Variants in TARBP1 observed in about 807,000 individuals in gnomAD.
TARBP1 encodes tRNA (guanosine(18)-2'-O)-methyltransferase TARBP1.
In TARBP1, 144 loss-of-function variants were observed where a neutral mutation model predicts 178.6. The observed-to-expected ratio is 0.81, with a 90% confidence interval of 0.70 to 0.93. The LOEUF is 0.93. Ranked by LOEUF, TARBP1 falls within the 40% of genes least tolerant of loss-of-function variation. TARBP1 has a pLI of 0.00. For missense variants in TARBP1, 2,067 were observed against 2,011.7 expected (o/e 1.03, Z -0.53); for synonymous variants, 787 against 781.0 (o/e 1.01, Z -0.13).
chr1:234,457,288 G>C (rs752167450), intron 9 of TARBP1, among the ~76,000 whole-genome samples: 2 of 152,142 alleles, frequency 1.3e-5, no homozygotes, highest in Non-Finnish European at 2.9e-5. Context: ...CATAAGGACT[G>C]GACAACTGGG....
intron 12 of TARBP1, among the ~76,000 whole-genome samples, chr1:234,441,362 C>G (rs1376093506): frequency 6.6e-6 from 1 of 152,034 alleles, no homozygotes. Context: ...GGTAAAGGAA[C>G]TAGAATAGCT....
chr1:234,432,093 C>T (rs1664489286), intron 14 of TARBP1, among the ~76,000 whole-genome samples: 1 of 134,144 alleles, frequency 7.5e-6, no homozygotes. Context: ...GCCAACTGCA[C>T]AACTGCATTC....
chr1:234,418,376 C>T, intron 21 of TARBP1, 143 bp from the exon 22 acceptor site: 3 of 645,926 alleles, frequency 4.6e-6, no homozygotes, highest in Non-Finnish European at 7.3e-6. Flanking sequence ...ACTCTAAAAA[C>T]TACTGATTAA....
intron 19 of TARBP1, among the ~76,000 whole-genome samples, chr1:234,426,695 A>G (rs1455924611): frequency 6.6e-6 from 1 of 152,230 alleles, no homozygotes; most frequent in Non-Finnish European, 1.5e-5. Flanking sequence ...TGAAAAAATA[A>G]AACTTGAAAA....
intron 14 of TARBP1, among the ~76,000 whole-genome samples, chr1:234,432,644 A>G (rs1323880820): frequency 6.6e-6 from 1 of 152,138 alleles, no homozygotes; most frequent in Non-Finnish European, 1.5e-5. Flanking sequence ...TGTATGCTGG[A>G]GGAGAGGGCA....
At chr1:234,414,253 C>G (rs972232800) in intron 22 of TARBP1, among the ~76,000 whole-genome samples, 2 of 152,160 alleles carry the variant, frequency 1.3e-5, no homozygotes, top group Non-Finnish European at 1.5e-5. Context: ...ACTCTGCCAG[C>G]CCAAATTTGG....
rs1277579076 is a variant in TARBP1, at chr1:234,393,726, T to C, written c.4355A>G (p.Asp1452Gly). The change falls in exon 27 of 30, where the codon GAT (aspartate) becomes GGT (glycine). Residue 1452 changes from aspartate to glycine, a missense_variant. Asp to Gly is a moderately conservative substitution (Grantham distance 94). Coordinates refer to ENST00000040877, the MANE Select transcript of TARBP1 (RefSeq NM_005646.4). The stretch of plus-strand genomic sequence containing the variant: ...TGACTTTCCAAGTCTGGCAGCACGA[T>C]CCTGAAACAGGAGCTCCAGGTCTAA... ...SDLDLELLFQ[D>G]RAARLGKSIS... 4.3e-6 allele frequency: 7 copies of C among 1,613,860 alleles called. No homozygotes were observed. The highest frequency in any genetic ancestry group is 1.1e-5 in the South Asian group (1 of 91,086).
At chr1:234,456,961 G>A (rs270517) in intron 9 of TARBP1, among the ~76,000 whole-genome samples, 31,225 of 152,040 alleles carry the variant, frequency 0.21, 4,026 homozygotes, top group African/African-American at 0.37. Context: ...ACCCAGAGGG[G>A]ACAAAGATCA....
At chr1:234,450,702 CT>C in intron 9 of TARBP1, 136 bp from the exon 10 acceptor site, 1 of 988,422 alleles carries the variant, frequency 1.0e-6, no homozygotes, top group Non-Finnish European at 1.5e-6. Context: ...AAACCATTTA[CT>C]ATCATACTTG....
intron 3 of TARBP1, 96 bp from the exon 4 acceptor site, chr1:234,467,746 A>C (rs1668596455): frequency 8.3e-7 from 1 of 1,205,366 alleles, no homozygotes; most frequent in Non-Finnish European, 1.1e-6. Context: ...ACACACAATA[A>C]CTTCATTATA....
chr1:234,399,890 TG>T (rs1190725890), intron 25 of TARBP1, among the ~76,000 whole-genome samples: 18 of 24,462 alleles, frequency 7.4e-4, no homozygotes, highest in African/African-American at 2.2e-3. Flanking sequence ...TGTTGTGGGG[TG>T]GGGGGAGGGG....
At position 234,457,721 on chromosome 1, in the gene TARBP1, G is replaced by A. The variant is rs1197277635; in HGVS notation, c.1668C>T (p.Leu556=). 4 of 1,609,694 alleles carry A rather than the reference G, an allele frequency of 2.5e-6. No individual in the cohort carries two copies. The highest frequency in any genetic ancestry group is 3.4e-6 in the Non-Finnish European group (4 of 1,177,168). Residue 556 remains leucine (L), a synonymous_variant, in exon 9 of 30, where the codon CTC becomes CTT. Coordinates refer to ENST00000040877, the MANE Select transcript of TARBP1 (RefSeq NM_005646.4). ...AGGATTCCTCTTGTCTCAGAGACAT[G>A]AGAAAAGTTGAGACATCAGAAAGTG... The part of the protein sequence containing the change: ...KVSLSDVSTF[L]MSLRQEESLG...
rs138456953 is a variant in TARBP1, at chr1:234,429,536, C to T, written c.2751G>A (p.Pro917=). 1.5e-3 allele frequency: 2,391 copies of T among 1,614,094 alleles called. 4 individuals carry two copies. Among genetic ancestry groups the T allele is most frequent in the Non-Finnish European group, 1.9e-3 (2,268 of 1,180,010 alleles). The change falls in exon 16 of 30, where the codon CCG becomes CCA. Residue 917 remains proline (P), a synonymous_variant. Coordinates refer to ENST00000040877, the MANE Select transcript of TARBP1 (RefSeq NM_005646.4). ...IPTTGSEILE[P]FLPAVQMPIR... ...TTGGCATCTGAACGGCAGGTAGAAA[C>T]GGTTCCAGAATTTCACTCCCTGTGG... is the stretch of plus-strand genomic sequence containing the variant.
At position 234,393,659 on chromosome 1, in the gene TARBP1, C is replaced by T. The variant is rs770859684; in HGVS notation, c.4422G>A (p.Pro1474=). ...LIVVASLIDK[P]TNLGGLCRTC... ...CTCCAACTTTACCTCCTAAATTGGT[C>T]GGTTTGTCGATGAGCGAGGCCACAA... The change falls in exon 27 of 30, where the codon CCG becomes CCA. Residue 1474 remains proline, a synonymous_variant. Coordinates refer to ENST00000040877, the MANE Select transcript of TARBP1 (RefSeq NM_005646.4). 9.3e-6 allele frequency: 15 copies of T among 1,606,630 alleles called. No homozygotes were observed. Among genetic ancestry groups the T allele is most frequent in the Admixed American group, 5.0e-5 (3 of 59,408 alleles).
intron 29 of TARBP1, among the ~76,000 whole-genome samples, chr1:234,392,040 G>A (rs1659422675): frequency 6.6e-6 from 1 of 152,224 alleles, no homozygotes; most frequent in Non-Finnish European, 1.5e-5. Flanking sequence ...GTGCAGGTAT[G>A]AGCAGGAGTC....
chr1:234,398,523 C>G lies in TARBP1; in HGVS notation c.4102G>C (p.Gly1368Arg). Residue 1368 changes from glycine to arginine, a missense_variant, in exon 26 of 30, where the codon GGC (glycine) becomes CGC (arginine). Physicochemically the swap from Gly to Arg is moderately radical, Grantham distance 125. Transcript: ENST00000040877. ...GTGATCCATTCATCTTCAATAAGGC[C>G]TGAAAGGCGTGGAAGGATGTAAAAT... ...TIFYILPRLS[G>R]LIEDEWITID... 6.2e-7 allele frequency: 1 copy of G among 1,605,064 alleles called. No homozygotes were observed. Among genetic ancestry groups the G allele is most frequent in the South Asian group, 1.1e-5 (1 of 89,598 alleles).
intron 19 of TARBP1, among the ~76,000 whole-genome samples, 172 bp from the exon 20 acceptor site, chr1:234,425,965 A>T (rs1369144702): frequency 6.6e-6 from 1 of 152,256 alleles, no homozygotes; most frequent in Non-Finnish European, 1.5e-5. Flanking sequence ...AACAGAAGAT[A>T]ACAAATGAAT....
rs143609391 is a variant in TARBP1 at position 234,465,874 on chromosome 1, G to C, written c.1249-166C>G. Among the ~76,000 whole-genome samples the C allele has an allele frequency of 4.6e-3, 707 of 152,290 alleles. 2 individuals are homozygous for C. Among genetic ancestry groups the C allele is most frequent in the African/African-American group, 0.016 (679 of 41,568 alleles). On this transcript the variant is annotated intron_variant, in intron 4 of 29. Transcript: ENST00000040877. ...TAAATTTAGTGCTGGTCCTGGAGGGGAAGCTTAATTCTACCAGAAAAACAA... is the reference window on the plus strand; with the variant it reads ...TAAATTTAGTGCTGGTCCTGGAGGGCAAGCTTAATTCTACCAGAAAAACAA...
chr1:234,395,550 C>A (rs1019593967), intron 26 of TARBP1, among the ~76,000 whole-genome samples: 3 of 152,302 alleles, frequency 2.0e-5, no homozygotes, highest in Middle Eastern at 6.8e-3. Context: ...ATAGGGCATA[C>A]AGAGCAGGCA....
Sources: gnomAD v4.1 joint callset for allele counts (sites outside exome capture counted in the v4.1 genomes callset) on GRCh38, gnomAD v4.1.1 for gene constraint, MANE v1.5 for transcripts, NCBI Gene and HGNC (gene_info 2026-07-23, HGNC 2026-07-21) for gene names.